RORA: variants seen among roughly 807,000 people sequenced by gnomAD.
RORA encodes the protein nuclear receptor ROR-alpha.
RORA carries 7 observed loss-of-function variants against 69.5 expected under a neutral mutation model. The ratio of observed to expected loss-of-function variants is 0.10; its 90% confidence interval spans 0.06 to 0.19. The LOEUF (loss-of-function observed/expected upper bound fraction) is 0.19, where lower values mean the gene tolerates loss of function less well. Ranked by LOEUF, RORA falls within the 10% of genes least tolerant of loss-of-function variation. The pLI, the probability that RORA is intolerant of heterozygous loss-of-function variation, is 1.00. For synonymous variants in RORA, 261 were observed against 240.8 expected, an observed-to-expected ratio of 1.08 and a Z score of -0.78; for missense variants, 457 against 663.0, an observed-to-expected ratio of 0.69 and a Z score of 3.41.
At chr15:60,918,497 T>C (rs1891945192) in intron 1 of RORA, among the ~76,000 whole-genome samples, 1 of 152,300 alleles carries the variant, frequency 6.6e-6, no homozygotes, top group South Asian at 2.1e-4. Context: ...GTAATTACGA[T>C]TGGAATTGCC....
At chr15:61,221,311 T>C (rs1252056191) in intron 1 of RORA, among the ~76,000 whole-genome samples, 1 of 152,230 alleles carries the variant, frequency 6.6e-6, no homozygotes, top group Non-Finnish European at 1.5e-5. Context: ...TAGTTAATAG[T>C]CTGGAATTCT....
intron 1 of RORA, among the ~76,000 whole-genome samples, chr15:60,812,233 G>T: frequency 6.6e-6 from 1 of 152,202 alleles, no homozygotes; most frequent in East Asian, 1.9e-4. Context: ...GCAAGGTGCG[G>T]TGCCTCACAC....
At chr15:60,634,953 T>C (rs1456825043) in intron 2 of RORA, among the ~76,000 whole-genome samples, 1 of 152,254 alleles carries the variant, frequency 6.6e-6, no homozygotes, top group African/African-American at 2.4e-5. Context: ...ACTAGTGAAC[T>C]TCTTGCTGTT....
At chr15:61,152,384 A>G (rs1240837318) in intron 1 of RORA, among the ~76,000 whole-genome samples, 5 of 152,082 alleles carry the variant, frequency 3.3e-5, no homozygotes, top group Non-Finnish European at 7.4e-5. Flanking sequence ...GTCATTACAG[A>G]TCTAATAGAT....
At chr15:60,579,078 T>C (rs1427319959) in intron 2 of RORA, among the ~76,000 whole-genome samples, 2 of 151,246 alleles carry the variant, frequency 1.3e-5, no homozygotes, top group African/African-American at 4.9e-5. Context: ...TTTTTTTTTT[T>C]TTTTTTTTAA....
chr15:61,102,855 G>A (rs901064325), intron 1 of RORA, among the ~76,000 whole-genome samples: 3 of 152,174 alleles, frequency 2.0e-5, no homozygotes, highest in Non-Finnish European at 2.9e-5. Flanking sequence ...TTAATAGACT[G>A]GATGCTTTTT....
intron 1 of RORA, among the ~76,000 whole-genome samples, chr15:60,959,815 T>G (rs757757284): frequency 1.4e-4 from 21 of 152,254 alleles, no homozygotes; most frequent in Non-Finnish European, 2.5e-4. Flanking sequence ...AGAAGGCTTT[T>G]TTTTGTTTTG....
intron 1 of RORA, among the ~76,000 whole-genome samples, chr15:61,020,011 T>C (rs1466077423): frequency 6.6e-6 from 1 of 152,210 alleles, no homozygotes; most frequent in Non-Finnish European, 1.5e-5. Flanking sequence ...AAGGAATCAC[T>C]AACCTCTCTC....
chr15:60,593,005 C>T, intron 2 of RORA: 2 of 451,450 alleles, frequency 4.4e-6, no homozygotes, highest in South Asian at 1.6e-5. Flanking sequence ...TACGGTCACC[C>T]GCATTTCCTA....
At chr15:60,721,236 G>C (rs1348235545) in intron 1 of RORA, among the ~76,000 whole-genome samples, 1 of 152,170 alleles carries the variant, frequency 6.6e-6, no homozygotes, top group Admixed American at 6.5e-5. Flanking sequence ...TCATTAAGCT[G>C]CACCAATTGC....
intron 1 of RORA, among the ~76,000 whole-genome samples, chr15:60,966,888 G>C (rs959172135): frequency 1.3e-5 from 2 of 152,198 alleles, no homozygotes; most frequent in Non-Finnish European, 2.9e-5. Context: ...AGCAACTTGG[G>C]ACTGAGGTTT....
intron 1 of RORA, among the ~76,000 whole-genome samples, chr15:60,996,649 A>G (rs879644866): frequency 4.6e-5 from 7 of 152,132 alleles, no homozygotes; most frequent in African/African-American, 1.2e-4. Context: ...GATGGCTCAC[A>G]CCTGTAATCC....
rs970789612 is a variant in RORA at position 60,924,936 on chromosome 15, G to C, written c.167-246250C>G. Among the ~76,000 whole-genome samples the C allele has an allele frequency of 4.0e-5, 6 of 151,860 alleles. No homozygotes were observed. In the South Asian group the frequency reaches 1.3e-3, roughly 32 times the overall value. On this transcript the variant is annotated intron_variant, in intron 1 of 10. Coordinates refer to ENST00000335670, the MANE Select transcript of RORA (RefSeq NM_134261.3). Reference sequence around the variant, plus strand: ...TCTACTAAAAATACAAAAATTAGCTGTGCGTGGTGGCACATGCCTGTAGTT... The same window carrying C: ...TCTACTAAAAATACAAAAATTAGCTCTGCGTGGTGGCACATGCCTGTAGTT...
At chr15:61,039,982 T>C (rs1028580570) in intron 1 of RORA, among the ~76,000 whole-genome samples, 9 of 150,944 alleles carry the variant, frequency 6.0e-5, no homozygotes, top group Non-Finnish European at 8.9e-5. Flanking sequence ...TGCTATTTGG[T>C]AAAGAATTTG....
intron 1 of RORA, among the ~76,000 whole-genome samples, chr15:60,943,633 C>T (rs568899960): frequency 2.0e-5 from 3 of 151,960 alleles, no homozygotes; most frequent in South Asian, 4.2e-4. Context: ...AGTAATGGGT[C>T]GGCTGGGCAT....
chr15:60,564,508 G>A (rs566297274), intron 2 of RORA, among the ~76,000 whole-genome samples: 1 of 152,208 alleles, frequency 6.6e-6, no homozygotes, highest in South Asian at 2.1e-4. Context: ...CTTCACTTAT[G>A]AGAGAGCTGA....
At chr15:60,943,579 CAAGG>C (rs74266519) in intron 1 of RORA, among the ~76,000 whole-genome samples, 37,313 of 151,738 alleles carry the variant, frequency 0.25, 5,446 homozygotes, top group East Asian at 0.5. Context: ...TTCTATTCTC[CAAGG>C]ATGACATCTT....
At chr15:60,875,652 A>C (rs1381711259) in intron 1 of RORA, among the ~76,000 whole-genome samples, 2 of 152,214 alleles carry the variant, frequency 1.3e-5, no homozygotes, top group Non-Finnish European at 2.9e-5. Context: ...TTGAGAGTTA[A>C]CCAAATCTTT....
chr15:60,830,191 A>G (rs1357956383), intron 1 of RORA, among the ~76,000 whole-genome samples: 3 of 152,244 alleles, frequency 2.0e-5, no homozygotes, highest in African/African-American at 7.2e-5. Flanking sequence ...TTTATTTATA[A>G]TTGTAATATG....
Sources: allele counts gnomAD v4.1 joint callset (sites outside exome capture counted in the v4.1 genomes callset), GRCh38; gene constraint gnomAD v4.1.1; transcripts MANE v1.5; gene names NCBI Gene and HGNC (gene_info 2026-07-23, HGNC 2026-07-21).